Variants in AGBL1 observed in about 807,000 individuals in gnomAD.
AGBL1 encodes cytosolic carboxypeptidase 4.
In AGBL1, 130 loss-of-function variants were observed where a neutral mutation model predicts 118.9. That is an observed-to-expected ratio of 1.09 (90% confidence interval 0.95 to 1.26). AGBL1 has a LOEUF of 1.26. Ranked by LOEUF, AGBL1 falls within the 50% of genes most tolerant of loss-of-function variation. AGBL1 has a pLI of 0.00. For missense variants in AGBL1, 1,584 were observed against 1,298.1 expected, an observed-to-expected ratio of 1.22 and a Z score of -3.38; for synonymous variants, 555 against 478.9, an observed-to-expected ratio of 1.16 and a Z score of -2.08.
At position 86,381,654 on chromosome 15, in the gene AGBL1, A is replaced by T. The variant is rs559566739; in HGVS notation, c.2375-15712A>T. Reference sequence around the variant, plus strand: ...CACAGGAGAACTTAATTCAGTCTCTAAAGGAGGAAAGAAGGAAATCCCAGA... The same window carrying T: ...CACAGGAGAACTTAATTCAGTCTCTTAAGGAGGAAAGAAGGAAATCCCAGA... On this transcript the variant is annotated intron_variant, in intron 17 of 22. Transcript: ENST00000614907. 5.2e-4 allele frequency among the ~76,000 whole-genome samples: 79 copies of T among 152,290 alleles called. 1 individual carries two copies. The highest frequency in any genetic ancestry group is 4.4e-3 in the Admixed American group (68 of 15,306).
At position 86,154,513 on chromosome 15, in the gene AGBL1, C is replaced by T. The variant is rs777468842; in HGVS notation, c.346C>T (p.Gln116Ter). 1.7e-5 allele frequency: 28 copies of T among 1,613,060 alleles called. No individual in the cohort carries two copies. Among genetic ancestry groups the T allele is most frequent in the Non-Finnish European group, 2.2e-5 (26 of 1,179,580 alleles). ...GGCCAGGAAGAACCTATCCCATGGCCAGAATCTCCTCCACTGTCTCTGGGC... is the reference window on the plus strand; with the variant it reads ...GGCCAGGAAGAACCTATCCCATGGCTAGAATCTCCTCCACTGTCTCTGGGC... ...ILARKNLSHG[Q>*]NLLHCLWALR... is the part of the protein sequence containing the mutation. Residue 116 changes from glutamine to a stop codon, truncating the protein, a stop_gained, in exon 4 of 23, where the codon CAG becomes TAG. Transcript: ENST00000614907. LOFTEE classifies it high-confidence loss of function.
chr15:86,195,243 T>C (rs1020893286), intron 5 of AGBL1, among the ~76,000 whole-genome samples: 2 of 152,194 alleles, frequency 1.3e-5, no homozygotes, highest in Non-Finnish European at 2.9e-5. Flanking sequence ...TGTAAAATCA[T>C]GGCGATGATA....
downstream of AGBL1, among the ~76,000 whole-genome samples, chr15:86,919,195 A>C (rs1480830830): frequency 1.3e-5 from 2 of 152,176 alleles, no homozygotes; most frequent in South Asian, 4.1e-4. Context: ...CTTGACTTCA[A>C]CCTAAAAATT....
In AGBL1 at chr15:86,698,617, T is replaced by G. The variant is rs1418152356; in HGVS notation, c.3158+24181T>G. ...TATATAGTGCTGATCATTGTTTTTT[T>G]TTTTTTTTAAAAAGAGACCAACAGG... On this transcript the variant is annotated intron_variant, in intron 22 of 22. Transcript: ENST00000614907. Among the ~76,000 whole-genome samples, 7 of 151,708 alleles carry G rather than the reference T, an allele frequency of 4.6e-5. No homozygotes were observed. The East Asian group carries it at 1.2e-3, about 25-fold the overall frequency.
intron 22 of AGBL1, among the ~76,000 whole-genome samples, chr15:86,680,245 A>G (rs1178686948): frequency 1.3e-5 from 2 of 152,160 alleles, no homozygotes; most frequent in African/African-American, 4.8e-5. Flanking sequence ...ATTGTATGCA[A>G]TCATGTCCTC....
chr15:86,091,956 C>A (rs1329600985), intron 1 of AGBL1, among the ~76,000 whole-genome samples: 33 of 152,252 alleles, frequency 2.2e-4, no homozygotes, highest in Non-Finnish European at 4.4e-5. Flanking sequence ...CCTTTTCTGA[C>A]AATCTAAACT....
intron 22 of AGBL1, among the ~76,000 whole-genome samples, chr15:86,705,999 T>C (rs1200214211): frequency 6.6e-6 from 1 of 152,136 alleles, no homozygotes; most frequent in African/African-American, 2.4e-5. Context: ...TAAATAGTTT[T>C]TTAAGTACCA....
Position 86,665,765 on chromosome 15 carries a change from AT to A in AGBL1, c.2995-8497del, listed in dbSNP as rs796660694. Among the ~76,000 whole-genome samples the A allele has an allele frequency of 9.9e-3, 1,478 of 149,944 alleles. 23 individuals carry two copies. Among genetic ancestry groups the A allele is most frequent in the East Asian group, 0.074 (379 of 5,126 alleles). ...TCATTTAACTCTTTAATCAAAATAAATTTTTTTTTTTATATTTGGGGTAAGA... is the reference window on the plus strand; with the variant it reads ...TCATTTAACTCTTTAATCAAAATAAATTTTTTTTTTATATTTGGGGTAAGA... On this transcript the variant is annotated intron_variant, in intron 21 of 22. Coordinates refer to ENST00000614907, the MANE Select transcript of AGBL1 (RefSeq NM_001386094.1).
intron 18 of AGBL1, among the ~76,000 whole-genome samples, chr15:86,407,083 T>C (rs2081539816): frequency 6.6e-6 from 1 of 152,220 alleles, no homozygotes; most frequent in South Asian, 2.1e-4. Context: ...CTGGTCCTCA[T>C]ATGCTTGTTA....
intron 23 of AGBL1, among the ~76,000 whole-genome samples, chr15:86,941,203 T>C (rs1413440536): frequency 6.6e-6 from 1 of 152,230 alleles, no homozygotes; most frequent in East Asian, 1.9e-4. Context: ...ACAAACTCTT[T>C]GGCTTTTGGT....
chr15:86,145,509 C>A (rs543095028), intron 3 of AGBL1, among the ~76,000 whole-genome samples: 43 of 152,278 alleles, frequency 2.8e-4, no homozygotes, highest in Non-Finnish European at 4.4e-4. Flanking sequence ...AAGCTCAGAT[C>A]CTCTGAAAAG....
At chr15:86,444,500 C>G (rs1347090016) in intron 18 of AGBL1, among the ~76,000 whole-genome samples, 3 of 152,174 alleles carry the variant, frequency 2.0e-5, no homozygotes, top group Non-Finnish European at 4.4e-5. Context: ...GGGTTCACTA[C>G]AGGGTAGTGT....
intron 18 of AGBL1, among the ~76,000 whole-genome samples, chr15:86,432,057 G>A (rs115006625): frequency 0.015 from 1,454 of 96,424 alleles, 31 homozygotes; most frequent in African/African-American, 0.088. Flanking sequence ...CAGCAACCCA[G>A]TTCCCAGGAT....
intron 1 of AGBL1, among the ~76,000 whole-genome samples, chr15:86,139,253 AG>A (rs2076929270): frequency 6.6e-6 from 1 of 151,048 alleles, no homozygotes; most frequent in South Asian, 2.1e-4. Context: ...AGGGATCCCT[AG>A]GAGACTCAGG....
intron 22 of AGBL1, among the ~76,000 whole-genome samples, chr15:86,749,433 A>G (rs1247070655): frequency 1.3e-5 from 2 of 152,024 alleles, no homozygotes; most frequent in South Asian, 2.1e-4. Flanking sequence ...GGTTTTCTAG[A>G]TATATAATCA....
At chr15:86,329,097 C>T (rs539125491) in intron 17 of AGBL1, among the ~76,000 whole-genome samples, 1 of 152,218 alleles carries the variant, frequency 6.6e-6, no homozygotes, top group African/African-American at 2.4e-5. Flanking sequence ...TGTGGTTTCT[C>T]CTAGGTGACG....
At chr15:86,755,560 T>G (rs1459851330) in intron 22 of AGBL1, among the ~76,000 whole-genome samples, 1 of 152,122 alleles carries the variant, frequency 6.6e-6, no homozygotes, top group African/African-American at 2.4e-5. Context: ...TAGGTTGACC[T>G]CAAAGTCCCC....
chr15:86,758,202 G>C (rs1324201626), intron 22 of AGBL1, among the ~76,000 whole-genome samples: 2 of 152,004 alleles, frequency 1.3e-5, no homozygotes, highest in Non-Finnish European at 2.9e-5. Context: ...AAGACTATTT[G>C]TTTCTTGTGC....
intron 23 of AGBL1, among the ~76,000 whole-genome samples, chr15:86,961,108 C>T (rs2080988427): frequency 6.6e-6 from 1 of 151,998 alleles, no homozygotes; most frequent in Non-Finnish European, 1.5e-5. Flanking sequence ...CTCCCACAGA[C>T]AAATGGTAAC....
Sources: allele counts gnomAD v4.1 joint callset (sites outside exome capture counted in the v4.1 genomes callset), GRCh38; gene constraint gnomAD v4.1.1; transcripts MANE v1.5; gene names NCBI Gene and HGNC (gene_info 2026-07-23, HGNC 2026-07-21).